PLEKHA1: variants seen among roughly 807,000 people sequenced by gnomAD.
PLEKHA1 encodes pleckstrin homology domain containing A1.
PLEKHA1 carries 34 observed loss-of-function variants against 52.0 expected under a neutral mutation model. That is an observed-to-expected ratio of 0.65 (90% CI 0.50 to 0.87). The LOEUF (loss-of-function observed/expected upper bound fraction) is 0.87. Among genes scored for constraint, PLEKHA1 ranks in the 40% least tolerant of loss-of-function variants. PLEKHA1 has a pLI of 0.00. For missense variants in PLEKHA1, 497 were observed against 504.2 expected, an observed-to-expected ratio of 0.99 and a Z score of 0.14; for synonymous variants, 163 against 170.7, an observed-to-expected ratio of 0.95 and a Z score of 0.35.
At chr10:122,377,331 T>C (rs1224954918) in intron 1 of PLEKHA1, among the ~76,000 whole-genome samples, 1 of 152,214 alleles carries the variant, frequency 6.6e-6, no homozygotes, top group Non-Finnish European at 1.5e-5. Flanking sequence ...TGAGGTAATA[T>C]GCAAATAATT....
intron 11 of PLEKHA1, 86 bp downstream of exon 11, chr10:122,427,117 T>C (rs1032122247): frequency 7.9e-7 from 1 of 1,272,084 alleles, no homozygotes; most frequent in Admixed American, 2.3e-5. Context: ...TCCGGTTTCT[T>C]TCTTTCTTGA....
intron 9 of PLEKHA1, among the ~76,000 whole-genome samples, chr10:122,424,605 G>A (rs2097310940): frequency 6.6e-6 from 1 of 152,154 alleles, no homozygotes; most frequent in South Asian, 2.1e-4. Context: ...TTTAAAAGAT[G>A]CAGTAGAATA....
chr10:122,400,438 A>G lies in PLEKHA1; in HGVS notation c.244+50A>G, dbSNP rs757769443. The G allele has an allele frequency of 2.0e-6, 3 of 1,498,822 alleles. No individual in the cohort carries two copies. In the East Asian group the frequency reaches 7.0e-5, roughly 35 times the overall value. 92.8% of individuals were successfully genotyped at this position (1,498,822 alleles called of 1,614,324 possible). On this transcript the variant is annotated intron_variant, in intron 4 of 11. Coordinates refer to ENST00000368990, the MANE Select transcript of PLEKHA1 (RefSeq NM_001001974.4). Reference sequence around the variant, plus strand: ...TTAAATAGACTGATATAATTGTATCATATTGTAAAAGAAAACTGTTGCAGA... The same window carrying G: ...TTAAATAGACTGATATAATTGTATCGTATTGTAAAAGAAAACTGTTGCAGA...
the PLEKHA1 span, chr10:122,440,954 T>TA: frequency 3.9e-5 from 6 of 152,182 alleles, no homozygotes; most frequent in African/African-American, 1.4e-4. Flanking sequence ...TGCTAACAAT[T>TA]ACCTCATGGG....
chr10:122,424,045 T>C, intron 8 of PLEKHA1, 154 bp from the exon 9 acceptor site: 1 of 997,348 alleles, frequency 1.0e-6, no homozygotes, highest in Non-Finnish European at 1.4e-6. Context: ...ATTCAGATGC[T>C]GGATGGTTTA....
intron 5 of PLEKHA1, 79 bp downstream of exon 5, chr10:122,406,752 T>C (rs1189302486): frequency 1.9e-6 from 2 of 1,059,860 alleles, no homozygotes; most frequent in Non-Finnish European, 2.9e-6. Context: ...CTACCAAATG[T>C]TCCCAGCTTA....
chr10:122,406,672 CAGTA>C lies in PLEKHA1; in HGVS notation c.342+4_342+7del. 2 of 1,593,674 alleles carry C rather than the reference CAGTA, an allele frequency of 1.3e-6. No homozygotes were observed. The highest frequency in any genetic ancestry group is 1.7e-6 in the Non-Finnish European group (2 of 1,162,420). On this transcript the variant is annotated splice_donor_variant and splice_donor_region_variant and coding_sequence_variant and intron_variant, in exon 5 of 12. Transcript: ENST00000368990. LOFTEE classifies it high-confidence loss of function. ...GTGTTAAACAAAGCTATAAAAATTA[CAGTA>C]AGTATATGTATTTTTTTGAAAAACG...
chr10:122,421,341 G>C (rs540808041), intron 8 of PLEKHA1: 23 of 152,304 alleles, frequency 1.5e-4, no homozygotes, highest in African/African-American at 5.3e-4. Flanking sequence ...TCTTCATAGA[G>C]TGAAGATTAT....
intron 2 of PLEKHA1, among the ~76,000 whole-genome samples, chr10:122,395,377 AGCC>A: frequency 1.3e-5 from 2 of 152,150 alleles, no homozygotes; most frequent in African/African-American, 4.8e-5. Flanking sequence ...CCAGTGTATT[AGCC>A]ATTAGTACCA....
At chr10:122,399,537 A>T (rs562749487) in intron 3 of PLEKHA1, among the ~76,000 whole-genome samples, 270 of 152,156 alleles carry the variant, frequency 1.8e-3, no homozygotes, top group African/African-American at 6.3e-3. Context: ...AATTATTAAG[A>T]TTAAGATTAA....
In PLEKHA1 at chr10:122,400,425, A is replaced by T; in HGVS notation, c.244+37A>T. Reference sequence around the variant, plus strand: ...TGTTATATATATTTTAAATAGACTGATATAATTGTATCATATTGTAAAAGA... The same window carrying T: ...TGTTATATATATTTTAAATAGACTGTTATAATTGTATCATATTGTAAAAGA... On this transcript the variant is annotated intron_variant, in intron 4 of 11. Transcript: ENST00000368990. 2.6e-6 allele frequency: 4 copies of T among 1,533,950 alleles called. 1 individual carries two copies. In the South Asian group the frequency reaches 3.7e-5, roughly 14 times the overall value.
chr10:122,414,730 A>T (rs1328791058), intron 6 of PLEKHA1, among the ~76,000 whole-genome samples: 1 of 152,136 alleles, frequency 6.6e-6, no homozygotes, highest in East Asian at 1.9e-4. Context: ...AAAAAATACA[A>T]ATTAAGAGCA....
chr10:122,428,180 T>C (rs1278563123), intron 11 of PLEKHA1: 3 of 1,161,048 alleles, frequency 2.6e-6, no homozygotes, highest in Non-Finnish European at 3.3e-6. Context: ...GGGGGCAGAT[T>C]GGACTATCTA....
chr10:122,414,249 A>G (rs558296055), intron 6 of PLEKHA1, among the ~76,000 whole-genome samples: 1 of 152,206 alleles, frequency 6.6e-6, no homozygotes, highest in East Asian at 1.9e-4. Context: ...GTGTTAAGAC[A>G]CTGTATTAGT....
chr10:122,395,515 C>T (rs971657584), intron 2 of PLEKHA1, among the ~76,000 whole-genome samples: 6 of 151,918 alleles, frequency 3.9e-5, no homozygotes, highest in Middle Eastern at 3.4e-3. Flanking sequence ...TCAGTATAAC[C>T]GTGTTATTGC....
In PLEKHA1 at chr10:122,428,495, AGTC is replaced by A; in HGVS notation, c.901-1128_901-1126del. 3 of 1,231,188 alleles carry A rather than the reference AGTC, an allele frequency of 2.4e-6. No individual in the cohort carries two copies. In the South Asian group the frequency reaches 9.9e-5, roughly 40 times the overall value. 76.3% of individuals were successfully genotyped at this position (1,231,188 alleles called of 1,614,324 possible). A position where few individuals can be genotyped will look rare whatever the true frequency, so the allele number is the denominator to read the frequency against. On this transcript the variant is annotated intron_variant, in intron 11 of 11. Transcript: ENST00000368990. ...ATACTAACGCAAACTGTTTCACTGT[AGTC>A]ATCAGGTTGGATATGTGTATTTAAA...
At chr10:122,403,672 C>T (rs887269584) in intron 4 of PLEKHA1, among the ~76,000 whole-genome samples, 3 of 151,074 alleles carry the variant, frequency 2.0e-5, no homozygotes, top group African/African-American at 7.3e-5. Flanking sequence ...ATTGCTAATA[C>T]ACCACATTTC....
At chr10:122,384,608 C>CA (rs59343401) in intron 1 of PLEKHA1, among the ~76,000 whole-genome samples, 35,168 of 118,550 alleles carry the variant, frequency 0.3, 5,069 homozygotes, top group Non-Finnish European at 0.33. Flanking sequence ...GACTCTGTCT[C>CA]AAAAAAAAAA....
rs539587618 is a variant in PLEKHA1 at position 122,403,370 on chromosome 10, C to T, written c.244+2982C>T. On this transcript the variant is annotated intron_variant, in intron 4 of 11. Transcript: ENST00000368990. ...ACCTTAGAACCTCTTGATCCAAAAC[C>T]GTATATTCATAACCAGTTGATCTCA... is the stretch of plus-strand genomic sequence containing the variant. Among the ~76,000 whole-genome samples, 7 of 152,136 alleles carry T rather than the reference C, an allele frequency of 4.6e-5. No individual in the cohort carries two copies. In the East Asian group the frequency reaches 9.7e-4, roughly 21 times the overall value.
Sources: allele counts gnomAD v4.1 joint callset (sites outside exome capture counted in the v4.1 genomes callset), GRCh38; gene constraint gnomAD v4.1.1; transcripts MANE v1.5; gene names NCBI Gene and HGNC (gene_info 2026-07-23, HGNC 2026-07-21).